Variants in HSP90B1 observed in about 807,000 individuals in gnomAD.
HSP90B1 encodes endoplasmin.
HSP90B1 carries 27 observed loss-of-function variants against 100.4 expected under a neutral mutation model. The observed-to-expected ratio is 0.27, with a 90% CI of 0.20 to 0.37. HSP90B1 has a LOEUF of 0.37. Among genes scored for constraint, HSP90B1 ranks in the 10% least tolerant of loss-of-function variants. The probability of loss-of-function intolerance (pLI) is 1.00; values close to 1 mark genes in which losing one functional copy is unlikely to be tolerated. For missense variants in HSP90B1, 678 were observed against 960.5 expected (o/e 0.71, Z 3.89); for synonymous variants, 304 against 330.8 (o/e 0.92, Z 0.88).
In HSP90B1 at chr12:103,941,912, G is replaced by A; in HGVS notation, c.1374+15G>A. On this transcript the variant is annotated intron_variant, in intron 11 of 17. Transcript: ENST00000299767. ...AACTGCTTAAGGTAAGTGTCTCTGG[G>A]AAGAAACTCTCCACTTTGCTGTTTG... The A allele has an allele frequency of 6.2e-7, 1 of 1,605,338 alleles. No individual in the cohort carries two copies. Among genetic ancestry groups the A allele is most frequent in the Non-Finnish European group, 8.5e-7 (1 of 1,172,346 alleles).
chr12:103,938,224 C>A, intron 6 of HSP90B1, 116 bp from the exon 7 acceptor site: 1 of 844,662 alleles, frequency 1.2e-6, no homozygotes. Flanking sequence ...TAAGGATACT[C>A]TCAGGGTTTT....
intron 8 of HSP90B1, 101 bp downstream of exon 8, chr12:103,939,726 G>T: frequency 1.8e-6 from 1 of 549,768 alleles, no homozygotes; most frequent in Non-Finnish European, 3.2e-6. Flanking sequence ...AATATGAGAT[G>T]GTCCATTCCC....
At chr12:103,935,088 T>G (rs181831603) in intron 5 of HSP90B1, among the ~76,000 whole-genome samples, 43 of 152,308 alleles carry the variant, frequency 2.8e-4, no homozygotes, top group African/African-American at 9.6e-4. Context: ...GAAATATTCC[T>G]CTTGAAAATA....
Position 103,941,893 on chromosome 12 carries a change from T to G in HSP90B1, c.1370T>G (p.Leu457Arg), listed in dbSNP as rs1169896225. The change falls in exon 11 of 18, where the codon CTT becomes CGT. Residue 457 changes from leucine to arginine, a missense_variant. By Grantham distance (102) the Leu-to-Arg change is moderately radical. Coordinates refer to ENST00000299767, the MANE Select transcript of HSP90B1 (RefSeq NM_003299.3). Reference protein sequence around the residue: ...SRETLQQHKLLKVIRKKLVRK... With the variant: ...SRETLQQHKLRKVIRKKLVRK... ...GAGACTCTTCAGCAACATAAACTGCTTAAGGTAAGTGTCTCTGGGAAGAAA... is the reference window on the plus strand; with the variant it reads ...GAGACTCTTCAGCAACATAAACTGCGTAAGGTAAGTGTCTCTGGGAAGAAA... The G allele has an allele frequency of 6.2e-7, 1 of 1,612,428 alleles. No individual in the cohort carries two copies. The highest frequency in any genetic ancestry group is 1.1e-5 in the South Asian group (1 of 91,040).
Position 103,932,901 on chromosome 12 carries a change from A to G in HSP90B1, c.370A>G (p.Asn124Asp). ...KIRLISLTDE[N>D]ALSGNEELTV... ...AAGGCTAATATCACTGACTGATGAA[A>G]ATGCTCTTTCTGGAAATGAGGAACT... The change falls in exon 4 of 18, where the codon AAT (asparagine) becomes GAT (aspartate). Residue 124 changes from asparagine (N) to aspartate (D), a missense_variant. Physicochemically the swap from Asn to Asp is conservative, Grantham distance 23. This residue lies in a region of HSP90B1 where 238 missense variants were observed against 346.7 expected (regional missense o/e 0.69). Coordinates refer to ENST00000299767, the MANE Select transcript of HSP90B1 (RefSeq NM_003299.3). 1 of 1,602,438 alleles carries G rather than the reference A, an allele frequency of 6.2e-7. No homozygotes were observed. Among genetic ancestry groups the G allele is most frequent in the Non-Finnish European group, 8.5e-7 (1 of 1,169,592 alleles).
rs575681863 is a variant in HSP90B1 at position 103,940,393 on chromosome 12, C to G, written c.1092+768C>G. Reference sequence around the variant, plus strand: ...TCTTGTAACTCTTAAGGATGCAAAACTAGCATTGATAAAGTTTGTTTAAAG... The same window carrying G: ...TCTTGTAACTCTTAAGGATGCAAAAGTAGCATTGATAAAGTTTGTTTAAAG... On this transcript the variant is annotated intron_variant, in intron 8 of 17. Coordinates refer to ENST00000299767, the MANE Select transcript of HSP90B1 (RefSeq NM_003299.3). Among the ~76,000 whole-genome samples, 17 of 151,836 alleles carry G rather than the reference C, an allele frequency of 1.1e-4. No homozygotes were observed. The South Asian group carries it at 3.5e-3, about 32-fold the overall frequency.
In HSP90B1 at chr12:103,932,285, A is replaced by G. The variant is rs1869789834; in HGVS notation, c.161A>G (p.Glu54Gly). ...TDDEVVQREE[E>G]AIQLDGLNAS... is the part of the protein sequence containing the mutation. ...CTAACTGATTTCCTTAGAGAGGAAG[A>G]AGCTATTCAGTTGGATGGATTAAAT... The change falls in exon 3 of 18, where the codon GAA becomes GGA. Residue 54 changes from glutamate (E) to glycine (G), a missense_variant. By Grantham distance (98) the Glu-to-Gly change is moderately conservative (BLOSUM62 -2). Around this residue, in one of 8 missense-constraint regions of HSP90B1, gnomAD observed 88 missense variants for 88.2 expected, o/e 1.00. Coordinates refer to ENST00000299767, the MANE Select transcript of HSP90B1 (RefSeq NM_003299.3). 3.7e-6 allele frequency: 6 copies of G among 1,609,332 alleles called. No individual in the cohort carries two copies. The South Asian group carries it at 5.6e-5, about 15-fold the overall frequency.
Position 103,930,500 on chromosome 12 carries a change from T to C in HSP90B1, c.-16T>C. 6.2e-7 allele frequency: 1 copy of C among 1,602,138 alleles called. No individual in the cohort carries two copies. Among genetic ancestry groups the C allele is most frequent in the Non-Finnish European group, 8.5e-7 (1 of 1,174,478 alleles). On this transcript the variant is annotated 5_prime_UTR_variant, in exon 1 of 18. Coordinates refer to ENST00000299767, the MANE Select transcript of HSP90B1 (RefSeq NM_003299.3). This position sits in a 1 kb window ranked among gnomAD's most constrained non-coding sequence, Gnocchi z 4.4. ...CCTGCGATCGAAGGGGACTTGAGAC[T>C]CACCGGCCGCACGCCATGAGGGCCC...
chr12:103,942,568 CAAG>C lies in HSP90B1; in HGVS notation c.1421_1423del (p.Lys474del). On this transcript the variant is annotated inframe_deletion, in exon 12 of 18. Coordinates refer to ENST00000299767, the MANE Select transcript of HSP90B1 (RefSeq NM_003299.3). ...TTGTTCGTAAAACGCTGGACATGAT[CAAG>C]AAGATTGCTGATGATAAATACAATG... is the stretch of plus-strand genomic sequence containing the variant. 1 of 1,613,842 alleles carries C rather than the reference CAAG, an allele frequency of 6.2e-7. No homozygotes were observed. The highest frequency in any genetic ancestry group is 8.5e-7 in the Non-Finnish European group (1 of 1,179,802).
At chr12:103,940,483 A>G (rs973666216) in intron 8 of HSP90B1, among the ~76,000 whole-genome samples, 6 of 152,194 alleles carry the variant, frequency 3.9e-5, no homozygotes, top group African/African-American at 1.2e-4. Flanking sequence ...AACCATAGCT[A>G]AATAAAACTT....
At chr12:103,944,657 A>G (rs57179875) in intron 14 of HSP90B1, among the ~76,000 whole-genome samples, 3,504 of 151,904 alleles carry the variant, frequency 0.023, 132 homozygotes, top group East Asian at 0.15. Flanking sequence ...CCTGGGTTCA[A>G]GTAATTCTCC....
rs369040030 is a variant in HSP90B1, at chr12:103,944,016, C to T, written c.2027+142C>T. The T allele has an allele frequency of 8.9e-4, 581 of 654,170 alleles. 6 individuals are homozygous for T. The South Asian group carries it at 0.013, about 15-fold the overall frequency. The allele number at this position is 654,170 out of a possible 1,614,324, so 40.5% of individuals were successfully genotyped here. On this transcript the variant is annotated intron_variant, in intron 14 of 17. Coordinates refer to ENST00000299767, the MANE Select transcript of HSP90B1 (RefSeq NM_003299.3). Reference sequence around the variant, plus strand: ...TACTATAAGGTAGACAACAAGTTTACGAAGGGATTTCTCCTACATTTGATT... The same window carrying T: ...TACTATAAGGTAGACAACAAGTTTATGAAGGGATTTCTCCTACATTTGATT...
rs767649536 is a variant in HSP90B1, at chr12:103,946,627, G to A, written c.2037G>A (p.Ala679=). Reference sequence around the variant, plus strand: ...TTTTATCTCTTAACAGTTACTATGCGAGTCAGAAGAAAACATTTGAAATTA... The same window carrying A: ...TTTTATCTCTTAACAGTTACTATGCAAGTCAGAAGAAAACATTTGAAATTA... ...TGKDISTNYY[A]SQKKTFEINP... The change falls in exon 15 of 18, where the codon GCG becomes GCA. Residue 679 remains alanine, a synonymous_variant. Coordinates refer to ENST00000299767, the MANE Select transcript of HSP90B1 (RefSeq NM_003299.3). 3.7e-6 allele frequency: 6 copies of A among 1,612,274 alleles called. No homozygotes were observed. The African/African-American group carries it at 4.0e-5, about 11-fold the overall frequency.
Position 103,930,681 on chromosome 12 carries a change from C to G in HSP90B1, c.49+117C>G, listed in dbSNP as rs1869721987. ...CCGGGGCCTGCGGTGGGCCAAGGGA[C>G]GTCACCATTCCTCGAAAGAGGGCAA... On this transcript the variant is annotated intron_variant, in intron 1 of 17. Transcript: ENST00000299767. This position sits in a 1 kb window ranked among gnomAD's most constrained non-coding sequence, Gnocchi z 4.4. 2.4e-6 allele frequency: 2 copies of G among 845,572 alleles called. No homozygotes were observed. The highest frequency in any genetic ancestry group is 1.7e-5 in the African/African-American group (1 of 57,402). The allele number at this position is 845,572 out of a possible 1,614,324, so 52.4% of individuals were successfully genotyped here.
At position 103,946,690 on chromosome 12, in the gene HSP90B1, A is replaced by G; in HGVS notation, c.2100A>G (p.Arg700=). 6.2e-7 allele frequency: 1 copy of G among 1,613,980 alleles called. No individual in the cohort carries two copies. The highest frequency in any genetic ancestry group is 2.2e-5 in the East Asian group (1 of 44,886). ...RHPLIRDMLR[R]IKEDEDDKTV... ...CGCTGATCAGAGACATGCTTCGACG[A>G]ATTAAGGTAGTATTAAAGCAGTCCT... Residue 700 remains arginine (R), a synonymous_variant, in exon 15 of 18, where the codon CGA becomes CGG. Transcript: ENST00000299767.
rs980541195 is a variant in HSP90B1, at chr12:103,946,674, G to A, written c.2084G>A (p.Arg695Lys). 1 of 1,614,098 alleles carries A rather than the reference G, an allele frequency of 6.2e-7. No homozygotes were observed. Among genetic ancestry groups the A allele is most frequent in the East Asian group, 2.2e-5 (1 of 44,880 alleles). The change falls in exon 15 of 18, where the codon AGA becomes AAA. Residue 695 changes from arginine (R) to lysine (K), a missense_variant. Around this residue, in one of 8 missense-constraint regions of HSP90B1, gnomAD observed 64 missense variants for 66.4 expected, o/e 0.96. Transcript: ENST00000299767. ...FEINPRHPLI[R>K]DMLRRIKEDE... ...ATTAATCCCAGACACCCGCTGATCAGAGACATGCTTCGACGAATTAAGGTA... is the reference window on the plus strand; with the variant it reads ...ATTAATCCCAGACACCCGCTGATCAAAGACATGCTTCGACGAATTAAGGTA...
chr12:103,943,886 C>G lies in HSP90B1; in HGVS notation c.2027+12C>G. ...GACATCTCTACAAAGTAAGCATCCT[C>G]GGGAAAGTCCCTGCCAGGGCGTTGC... On this transcript the variant is annotated intron_variant, in intron 14 of 17. Transcript: ENST00000299767. This position sits in a 1 kb window ranked among gnomAD's most constrained non-coding sequence, Gnocchi z 5.3. 1 of 1,610,244 alleles carries G rather than the reference C, an allele frequency of 6.2e-7. No individual in the cohort carries two copies. Among genetic ancestry groups the G allele is most frequent in the Non-Finnish European group, 8.5e-7 (1 of 1,178,244 alleles).
chr12:103,943,951 A>C lies in HSP90B1; in HGVS notation c.2027+77A>C. 1.4e-6 allele frequency: 2 copies of C among 1,394,276 alleles called. No homozygotes were observed. The highest frequency in any genetic ancestry group is 2.9e-5 in the South Asian group (2 of 69,678). 86.4% of individuals were successfully genotyped at this position (1,394,276 alleles called of 1,614,324 possible). A position where few individuals can be genotyped will look rare whatever the true frequency, so the allele number is the denominator to read the frequency against. On this transcript the variant is annotated intron_variant, in intron 14 of 17. Transcript: ENST00000299767. This position sits in a 1 kb window ranked among gnomAD's most constrained non-coding sequence, Gnocchi z 5.3. Reference sequence around the variant, plus strand: ...TTGTTTTGGAGATAATACCAGCTTCAATACAAAGAGTAAAATTGCCTTAAA... The same window carrying C: ...TTGTTTTGGAGATAATACCAGCTTCCATACAAAGAGTAAAATTGCCTTAAA...
chr12:103,938,551 C>T, intron 7 of HSP90B1, 92 bp downstream of exon 7: 1 of 1,406,946 alleles, frequency 7.1e-7, no homozygotes, highest in Non-Finnish European at 9.6e-7. Flanking sequence ...GATTTGAAGT[C>T]AGCTTCAGTT....
Sources: gnomAD v4.1 joint callset for allele counts (sites outside exome capture counted in the v4.1 genomes callset) on GRCh38, gnomAD v4.1.1 for gene constraint, gnomAD v4.1.1 regional missense constraint, Gnocchi (gnomAD v3.1) non-coding constraint, MANE v1.5 for transcripts, NCBI Gene and HGNC (gene_info 2026-07-23, HGNC 2026-07-21) for gene names.